GCN1: variants seen among roughly 807,000 people sequenced by gnomAD.
GCN1 encodes stalled ribosome sensor GCN1.
GCN1 carries 90 observed loss-of-function variants against 288.4 expected under a neutral mutation model. The observed-to-expected ratio is 0.31, with a 90% CI of 0.26 to 0.37. The LOEUF (loss-of-function observed/expected upper bound fraction) is 0.37, where lower values mean the gene tolerates loss of function less well. Ranked by LOEUF, GCN1 falls within the 10% of genes least tolerant of loss-of-function variation. The probability of loss-of-function intolerance (pLI) is 1.00; values close to 1 mark genes in which losing one functional copy is unlikely to be tolerated. For missense variants in GCN1, 2,586 were observed against 3,419.9 expected, an observed-to-expected ratio of 0.76 and a Z score of 6.08; for synonymous variants, 1,386 against 1,420.2, an observed-to-expected ratio of 0.98 and a Z score of 0.54.
intron 34 of GCN1, 82 bp from the exon 35 acceptor site, chr12:120,150,125 C>G: frequency 7.3e-7 from 1 of 1,377,632 alleles, no homozygotes; most frequent in South Asian, 1.2e-5. Context: ...CAGCAACCTC[C>G]CTGCCACCTC....
rs1594265010 is a variant in GCN1 at position 120,144,582 on chromosome 12, G to T, written c.5352+57C>A. 1 of 1,559,374 alleles carries T rather than the reference G, an allele frequency of 6.4e-7. No individual in the cohort carries two copies. The highest frequency in any genetic ancestry group is 8.8e-7 in the Non-Finnish European group (1 of 1,135,166). ...CAGGGATCTCTAGCTCTCCAGGTGA[G>T]CACTTGCCTCCTGCCCTCCTCAAGG... On this transcript the variant is annotated intron_variant, in intron 41 of 57. Transcript: ENST00000300648. The surrounding 1 kb of genome is among the most constrained non-coding windows in gnomAD (Gnocchi z 4.7).
Position 120,184,279 on chromosome 12 carries a change from G to C in GCN1, c.186-36C>G, listed in dbSNP as rs756899975. 3.1e-6 allele frequency: 5 copies of C among 1,590,874 alleles called. No homozygotes were observed. In the African/African-American group the frequency reaches 6.7e-5, roughly 21 times the overall value. Reference sequence around the variant, plus strand: ...AGGCAAAGGAAAGGGTGAACATGCAGACCTCAGGCAGAGGCAGGGGCAAGG... The same window carrying C: ...AGGCAAAGGAAAGGGTGAACATGCACACCTCAGGCAGAGGCAGGGGCAAGG... On this transcript the variant is annotated intron_variant, in intron 3 of 57. Coordinates refer to ENST00000300648, the MANE Select transcript of GCN1 (RefSeq NM_006836.2).
intron 45 of GCN1, 93 bp downstream of exon 45, chr12:120,140,766 C>G (rs1877162617): frequency 7.9e-7 from 1 of 1,269,018 alleles, no homozygotes; most frequent in Non-Finnish European, 1.1e-6. Flanking sequence ...GCACAAACCC[C>G]CTAGAGGTGA....
In GCN1 at chr12:120,144,750, G is replaced by A; in HGVS notation, c.5241C>T (p.Asp1747=). ...AGCCATCTCGGACATGGGGTGCAAT[G>A]TCCACTTTGCTGGCTGTAGCCACGA... The part of the protein sequence containing the change: ...PEIVATASKV[D]IAPHVRDGYI... Residue 1747 remains aspartate, a synonymous_variant, in exon 41 of 58, where the codon GAC becomes GAT. Coordinates refer to ENST00000300648, the MANE Select transcript of GCN1 (RefSeq NM_006836.2). The surrounding 1 kb of genome is among the most constrained non-coding windows in gnomAD (Gnocchi z 4.7). 3 of 1,614,006 alleles carry A rather than the reference G, an allele frequency of 1.9e-6. No individual in the cohort carries two copies. The highest frequency in any genetic ancestry group is 8.5e-7 in the Non-Finnish European group (1 of 1,179,852).
At chr12:120,190,606 A>G (rs911003806) in intron 1 of GCN1, among the ~76,000 whole-genome samples, 2 of 152,120 alleles carry the variant, frequency 1.3e-5, no homozygotes, top group Non-Finnish European at 2.9e-5. Flanking sequence ...CGATGTCAGT[A>G]GCAGCCCACC....
Position 120,144,762 on chromosome 12 carries a change from G to C in GCN1, c.5229C>G (p.Ala1743=). 1 of 1,613,968 alleles carries C rather than the reference G, an allele frequency of 6.2e-7. No individual in the cohort carries two copies. ...EKLMPEIVAT[A]SKVDIAPHVR... Reference sequence around the variant, plus strand: ...CATGGGGTGCAATGTCCACTTTGCTGGCTGTAGCCACGATTTCTGGCATCA... The same window carrying C: ...CATGGGGTGCAATGTCCACTTTGCTCGCTGTAGCCACGATTTCTGGCATCA... Residue 1743 remains alanine (A), a synonymous_variant, in exon 41 of 58, where the codon GCC becomes GCG. Transcript: ENST00000300648. The surrounding 1 kb of genome is among the most constrained non-coding windows in gnomAD (Gnocchi z 4.7).
rs751683737 is a variant in GCN1, at chr12:120,194,667, C to T, written c.18+13G>A. 3.1e-5 allele frequency: 47 copies of T among 1,514,424 alleles called. No homozygotes were observed. The highest frequency in any genetic ancestry group is 3.5e-4 in the Middle Eastern group (2 of 5,646). The allele number at this position is 1,514,424 out of a possible 1,614,324, so 93.8% of individuals were successfully genotyped here. On this transcript the variant is annotated intron_variant, in intron 1 of 57. Transcript: ENST00000300648. The stretch of plus-strand genomic sequence containing the variant: ...GTCCCTGGCCGCGTTGGCCCCGCAG[C>T]CGCCCGCCTCACCTGCGTGTCCGCC...
Position 120,128,338 on chromosome 12 carries a change from C to G in GCN1, c.7891-364G>C, listed in dbSNP as rs944257977. ...GGCAGTGGGAGTTGCAGCTTTTGGG[C>G]TTTTTTTTTTTTTGGAGATGGAGTT... is the stretch of plus-strand genomic sequence containing the variant. On this transcript the variant is annotated intron_variant, in intron 57 of 57. Coordinates refer to ENST00000300648, the MANE Select transcript of GCN1 (RefSeq NM_006836.2). Among the ~76,000 whole-genome samples the G allele has an allele frequency of 2.8e-5, 4 of 141,400 alleles. No individual in the cohort carries two copies. In the East Asian group the frequency reaches 6.1e-4, roughly 22 times the overall value. 92.8% of individuals were successfully genotyped at this position (141,400 alleles called of 152,430 possible).
At chr12:120,165,002 TACAC>T (rs55710290) in intron 16 of GCN1, among the ~76,000 whole-genome samples, 71,914 of 136,626 alleles carry the variant, frequency 0.53, 19,371 homozygotes, top group Admixed American at 0.61. Flanking sequence ...TACACATATA[TACAC>T]ACACACACAC....
Position 120,156,852 on chromosome 12 carries a change from G to A in GCN1, c.3168+60C>T, listed in dbSNP as rs1877763734. On this transcript the variant is annotated intron_variant, in intron 27 of 57. Transcript: ENST00000300648. The surrounding 1 kb of genome is among the most constrained non-coding windows in gnomAD (Gnocchi z 5.8). ...AACTAGGACTCCACCCTTTACACTG[G>A]GACTTGAGGTCTGGGTCACGAACTG... is the stretch of plus-strand genomic sequence containing the variant. The A allele has an allele frequency of 8.4e-7, 1 of 1,189,440 alleles. No individual in the cohort carries two copies. The allele number at this position is 1,189,440 out of a possible 1,614,324, so 73.7% of individuals were successfully genotyped here. A position where few individuals can be genotyped will look rare whatever the true frequency, so the allele number is the denominator to read the frequency against.
At chr12:120,182,799 G>A (rs932354991) in intron 5 of GCN1, among the ~76,000 whole-genome samples, 1 of 152,126 alleles carries the variant, frequency 6.6e-6, no homozygotes, top group African/African-American at 2.4e-5. Flanking sequence ...AATTAGCCAG[G>A]TGTGGTGGCA....
chr12:120,149,725 AG>A lies in GCN1; in HGVS notation c.4432-6del, dbSNP rs1451421132. Reference sequence around the variant, plus strand: ...CTTGGCACAGTCATCTGCAGCCTCAAGGGGGGAGAAAACACATTCAGGGGCC... The same window carrying A: ...CTTGGCACAGTCATCTGCAGCCTCAAGGGGGAGAAAACACATTCAGGGGCC... On this transcript the variant is annotated splice_polypyrimidine_tract_variant and splice_region_variant and intron_variant, in intron 35 of 57. Transcript: ENST00000300648. 1.2e-6 allele frequency: 2 copies of A among 1,611,522 alleles called. No individual in the cohort carries two copies. Among genetic ancestry groups the A allele is most frequent in the South Asian group, 1.1e-5 (1 of 90,984 alleles).
At chr12:120,170,148 T>G in intron 15 of GCN1, 21 bp downstream of exon 15, 1 of 1,610,996 alleles carries the variant, frequency 6.2e-7, no homozygotes, top group Non-Finnish European at 8.5e-7. Context: ...TCTACCATCC[T>G]AGACACCTCT....
chr12:120,149,224 T>A (rs1480574822), intron 36 of GCN1, among the ~76,000 whole-genome samples: 1 of 152,068 alleles, frequency 6.6e-6, no homozygotes, highest in African/African-American at 2.4e-5. Context: ...AAGATCCAAC[T>A]GCCAGAGGGA....
intron 14 of GCN1, 132 bp downstream of exon 14, chr12:120,173,521 A>G: frequency 1.5e-6 from 1 of 654,554 alleles, no homozygotes; most frequent in Middle Eastern, 4.3e-4. Context: ...CAATGCTCTC[A>G]TTTATTTCAG....
At chr12:120,177,654 C>T (rs1459568206) in intron 8 of GCN1, 30 bp downstream of exon 8, 1 of 1,581,206 alleles carries the variant, frequency 6.3e-7, no homozygotes, top group Non-Finnish European at 8.7e-7. Flanking sequence ...GATCAGTTGT[C>T]CAGGTGAGTA....
In GCN1 at chr12:120,155,540, CCTAA is replaced by C. The variant is rs1877718246; in HGVS notation, c.3440+48_3440+51del. On this transcript the variant is annotated intron_variant, in intron 29 of 57. Transcript: ENST00000300648. This position sits in a 1 kb window ranked among gnomAD's most constrained non-coding sequence, Gnocchi z 4.9. ...CTGAGCACACTGGGTTCAGTTATTT[CCTAA>C]AGGAAGAGAGGATGCAGCAGGAGAA... is the stretch of plus-strand genomic sequence containing the variant. 6.2e-7 allele frequency: 1 copy of C among 1,611,846 alleles called. No homozygotes were observed. Among genetic ancestry groups the C allele is most frequent in the East Asian group, 2.2e-5 (1 of 44,886 alleles).
Position 120,138,469 on chromosome 12 carries a change from C to A in GCN1, c.6157-54G>T, listed in dbSNP as rs547211956. The A allele has an allele frequency of 3.4e-5, 39 of 1,149,808 alleles. No homozygotes were observed. The East Asian group carries it at 8.9e-4, about 26-fold the overall frequency. 71.2% of individuals were successfully genotyped at this position (1,149,808 alleles called of 1,614,324 possible). On this transcript the variant is annotated intron_variant, in intron 46 of 57. Transcript: ENST00000300648. ...GGAATCTGCATCTCTGCTGTCTCAA[C>A]CAGCCACCGCCAACTTCCTTCTCCA...
chr12:120,164,339 G>C lies in GCN1; in HGVS notation c.1845C>G (p.His615Gln). 1 of 1,613,024 alleles carries C rather than the reference G, an allele frequency of 6.2e-7. No homozygotes were observed. Among genetic ancestry groups the C allele is most frequent in the Non-Finnish European group, 8.5e-7 (1 of 1,179,126 alleles). ...LEELKTVLSS[H>Q]KVLPLEALVT... ...TCTAGAGCCCAGATGCCCTCACCTT[G>C]TGAGAACTGAGGACAGTCTTCAGCT... Residue 615 changes from histidine (H) to glutamine (Q), a missense_variant, in exon 18 of 58, where the codon CAC (histidine) becomes CAG (glutamine). This residue lies in a region of GCN1 where 913 missense variants were observed against 1,107.0 expected (regional missense o/e 0.82). Transcript: ENST00000300648.
Sources: gnomAD v4.1 joint callset for allele counts (sites outside exome capture counted in the v4.1 genomes callset) on GRCh38, gnomAD v4.1.1 for gene constraint, gnomAD v4.1.1 regional missense constraint, Gnocchi (gnomAD v3.1) non-coding constraint, MANE v1.5 for transcripts, NCBI Gene and HGNC (gene_info 2026-07-23, HGNC 2026-07-21) for gene names.